ZMPSTE24: variants seen among roughly 807,000 people sequenced by gnomAD.
ZMPSTE24 encodes the protein CAAX prenyl protease 1 homolog.
ZMPSTE24 carries 48 observed loss-of-function variants against 56.7 expected under a neutral mutation model. The observed-to-expected ratio is 0.85, with a 90% CI of 0.67 to 1.08. The LOEUF (loss-of-function observed/expected upper bound fraction) is 1.08, where lower values mean the gene tolerates loss of function less well. Among genes scored for constraint, ZMPSTE24 ranks in the 50% least tolerant of loss-of-function variants. The probability of loss-of-function intolerance (pLI) is 0.00; values close to 1 mark genes in which losing one functional copy is unlikely to be tolerated. For synonymous variants in ZMPSTE24, 172 were observed against 195.2 expected, an observed-to-expected ratio of 0.88 and a Z score of 0.99; for missense variants, 503 against 548.7, an observed-to-expected ratio of 0.92 and a Z score of 0.83.
chr1:40,266,957 C>T (rs934155787), intron 2 of ZMPSTE24, among the ~76,000 whole-genome samples: 13 of 151,786 alleles, frequency 8.6e-5, no homozygotes, highest in African/African-American at 3.1e-4. Flanking sequence ...CTTGTAGGGA[C>T]AGGTTTCACC....
chr1:40,265,604 A>G (rs949340630), intron 2 of ZMPSTE24, among the ~76,000 whole-genome samples: 1 of 152,190 alleles, frequency 6.6e-6, no homozygotes, highest in African/African-American at 2.4e-5. Context: ...GCTGACATGG[A>G]AAGATCCTTT....
rs777048213 is a variant in ZMPSTE24, at chr1:40,290,940, A to G, written c.1146A>G (p.Gln382=). The G allele has an allele frequency of 9.3e-6, 15 of 1,613,996 alleles. No homozygotes were observed. Among genetic ancestry groups the G allele is most frequent in the East Asian group, 2.2e-5 (1 of 44,854 alleles). The change falls in exon 9 of 10, where the codon CAA becomes CAG. Residue 382 remains glutamine, a synonymous_variant. Coordinates refer to ENST00000372759, the MANE Select transcript of ZMPSTE24 (RefSeq NM_005857.5). The stretch of plus-strand genomic sequence containing the variant: ...CTGCATTTGGTTTTTATGATAGCCA[A>G]CCCACTCTTATTGGACTATTGATCA... ...LFAAFGFYDS[Q]PTLIGLLIIF... is the part of the protein sequence containing the mutation.
intron 8 of ZMPSTE24, among the ~76,000 whole-genome samples, chr1:40,286,696 T>C (rs1182822902): frequency 4.4e-4 from 64 of 146,632 alleles, no homozygotes; most frequent in Non-Finnish European, 7.2e-4. Context: ...GCTGGGATTA[T>C]AGGCGTGAAC....
chr1:40,283,290 G>A (rs1643748396), intron 7 of ZMPSTE24, among the ~76,000 whole-genome samples: 1 of 152,088 alleles, frequency 6.6e-6, no homozygotes, highest in African/African-American at 2.4e-5. Flanking sequence ...GATAACTTGA[G>A]GCCAGGAGTT....
chr1:40,278,100 T>G (rs568013812), intron 6 of ZMPSTE24, among the ~76,000 whole-genome samples: 1 of 151,954 alleles, frequency 6.6e-6, no homozygotes, highest in African/African-American at 2.4e-5. Flanking sequence ...AAAAGAAATG[T>G]AATAATGCAA....
intron 2 of ZMPSTE24, among the ~76,000 whole-genome samples, chr1:40,264,892 A>G (rs1480779835): frequency 6.6e-6 from 1 of 151,456 alleles, no homozygotes; most frequent in African/African-American, 2.4e-5. Context: ...AAAAAAAAAA[A>G]AAAAAAAAGA....
chr1:40,275,207 G>A (rs558971752), intron 6 of ZMPSTE24, among the ~76,000 whole-genome samples: 3 of 146,454 alleles, frequency 2.0e-5, no homozygotes, highest in African/African-American at 7.6e-5. Context: ...ATCACTTGAG[G>A]TCAGAAATTC....
intron 6 of ZMPSTE24, among the ~76,000 whole-genome samples, chr1:40,273,231 C>T (rs983854958): frequency 2.0e-5 from 3 of 151,822 alleles, no homozygotes; most frequent in Non-Finnish European, 4.4e-5. Flanking sequence ...AAATTTCAGA[C>T]ATCTGGCTGG....
intron 2 of ZMPSTE24, among the ~76,000 whole-genome samples, chr1:40,264,452 T>TA (rs1288280255): frequency 6.6e-6 from 1 of 152,214 alleles, no homozygotes; most frequent in Admixed American, 6.5e-5. Context: ...AGGAATTACT[T>TA]AGTCATTGGG....
At chr1:40,268,331 A>G (rs1179925888) in intron 3 of ZMPSTE24, 88 bp from the exon 4 acceptor site, 4 of 856,120 alleles carry the variant, frequency 4.7e-6, no homozygotes, top group Non-Finnish European at 8.0e-6. Context: ...ATTGCTTGGG[A>G]TGTAGTAAGT....
rs1415425861 is a variant in ZMPSTE24, at chr1:40,281,520, A to G, written c.947A>G (p.Lys316Arg). The G allele has an allele frequency of 1.5e-5, 24 of 1,613,874 alleles. No individual in the cohort carries two copies. The highest frequency in any genetic ancestry group is 2.0e-5 in the Non-Finnish European group (24 of 1,179,910). Reference sequence around the variant, plus strand: ...GGGAACAGTGAAGAAATAAAAGCTAAAGTTAAAGTGAGTTATTTTTTCCTA... The same window carrying G: ...GGGAACAGTGAAGAAATAAAAGCTAGAGTTAAAGTGAGTTATTTTTTCCTA... ...EEGNSEEIKA[K>R]VKNKKQGCKN... is the part of the protein sequence containing the mutation. Residue 316 changes from lysine to arginine, a missense_variant, in exon 7 of 10, where the codon AAA (lysine) becomes AGA (arginine). By Grantham distance (26) the Lys-to-Arg change is conservative (BLOSUM62 2). Coordinates refer to ENST00000372759, the MANE Select transcript of ZMPSTE24 (RefSeq NM_005857.5).
intron 9 of ZMPSTE24, 61 bp downstream of exon 9, chr1:40,291,058 T>C (rs1643838794): frequency 2.5e-6 from 4 of 1,591,032 alleles, no homozygotes; most frequent in Non-Finnish European, 3.4e-6. Context: ...ATCTAGAGCT[T>C]TCAGGATAGT....
At chr1:40,287,419 T>C (rs1459074967) in intron 8 of ZMPSTE24, among the ~76,000 whole-genome samples, 3 of 152,142 alleles carry the variant, frequency 2.0e-5, no homozygotes, top group African/African-American at 4.8e-5. Flanking sequence ...GGCTCATGCT[T>C]GTAATCCCGG....
chr1:40,275,052 C>G (rs1414794150), intron 6 of ZMPSTE24, among the ~76,000 whole-genome samples: 1 of 151,942 alleles, frequency 6.6e-6, no homozygotes, highest in Non-Finnish European at 1.5e-5. Flanking sequence ...GAGGAACCTA[C>G]TAAACATTGT....
intron 8 of ZMPSTE24, among the ~76,000 whole-genome samples, chr1:40,289,001 A>G (rs1643812671): frequency 6.6e-6 from 1 of 151,884 alleles, no homozygotes; most frequent in South Asian, 2.1e-4. Flanking sequence ...GCTCTGTAAT[A>G]CCACAGCAGT....
At chr1:40,264,117 T>C (rs1643525415) in intron 2 of ZMPSTE24, among the ~76,000 whole-genome samples, 1 of 152,148 alleles carries the variant, frequency 6.6e-6, no homozygotes, top group Non-Finnish European at 1.5e-5. Flanking sequence ...GCGGATTACC[T>C]GAGGTCAGAA....
In ZMPSTE24 at chr1:40,290,891, T is replaced by A. The variant is rs1431637197; in HGVS notation, c.1097T>A (p.Leu366Ter). ...SFLCFFLFAV[L>*]IGRKELFAAF... ...CTGTGTTTTTTTTTATTTGCTGTAT[T>A]AATTGGTCGAAAGGAGCTTTTTGCT... The change falls in exon 9 of 10, where the codon TTA (leucine) becomes TAA (stop). Residue 366 changes from leucine to a stop codon, truncating the protein, a stop_gained. Transcript: ENST00000372759. LOFTEE classifies it high-confidence loss of function. The A allele has an allele frequency of 6.2e-7, 1 of 1,614,118 alleles. No individual in the cohort carries two copies. The highest frequency in any genetic ancestry group is 2.2e-5 in the East Asian group (1 of 44,856).
chr1:40,286,067 T>C (rs200403738), intron 8 of ZMPSTE24, 38 bp downstream of exon 8: 1 of 1,549,132 alleles, frequency 6.5e-7, no homozygotes, highest in East Asian at 2.3e-5. Flanking sequence ...TATGGCATGA[T>C]AGTCAAATTA....
At chr1:40,282,860 AT>A (rs1163890097) in intron 7 of ZMPSTE24, among the ~76,000 whole-genome samples, 1 of 152,184 alleles carries the variant, frequency 6.6e-6, no homozygotes, top group Non-Finnish European at 1.5e-5. Context: ...ATATTGCCAG[AT>A]GTCCCCTAAA....
Sources: gnomAD v4.1 joint callset for allele counts (sites outside exome capture counted in the v4.1 genomes callset) on GRCh38, gnomAD v4.1.1 for gene constraint, MANE v1.5 for transcripts, NCBI Gene and HGNC (gene_info 2026-07-23, HGNC 2026-07-21) for gene names.